The following CDC42BPA variants were observed in gnomAD, a reference collection of about 807,000 sequenced individuals.
The protein encoded by CDC42BPA is CDC42 binding protein kinase alpha.
CDC42BPA carries 80 observed loss-of-function variants against 223.5 expected under a neutral mutation model. The ratio of observed to expected loss-of-function variants is 0.36; its 90% CI spans 0.30 to 0.43. The LOEUF (loss-of-function observed/expected upper bound fraction) is 0.43, where lower values mean the gene tolerates loss of function less well. CDC42BPA is among the 20% of genes least tolerant of loss of function. The pLI, the probability that CDC42BPA is intolerant of heterozygous loss-of-function variation, is 1.00. For synonymous variants in CDC42BPA, 694 were observed against 718.6 expected (o/e 0.97, Z 0.55); for missense variants, 1,743 against 2,099.9 (o/e 0.83, Z 3.32).
At chr1:227,050,943 T>C (rs1476675274) in intron 22 of CDC42BPA, among the ~76,000 whole-genome samples, 2 of 152,200 alleles carry the variant, frequency 1.3e-5, no homozygotes, top group Non-Finnish European at 2.9e-5. Flanking sequence ...GATATTTACA[T>C]GGGTGTTTAT....
intron 5 of CDC42BPA, among the ~76,000 whole-genome samples, chr1:227,163,566 G>A (rs138148412): frequency 2.0e-5 from 3 of 151,956 alleles, no homozygotes; most frequent in East Asian, 3.9e-4. Context: ...TCTATAAAAT[G>A]CCTGTTAATA....
chr1:227,246,988 G>A (rs1681085825), intron 2 of CDC42BPA, among the ~76,000 whole-genome samples: 1 of 152,042 alleles, frequency 6.6e-6, no homozygotes, highest in African/African-American at 2.4e-5. Context: ...ATTACTTGAG[G>A]TCAGGAGCTC....
chr1:227,246,628 C>A (rs1294274605), intron 2 of CDC42BPA, among the ~76,000 whole-genome samples: 1 of 152,244 alleles, frequency 6.6e-6, no homozygotes, highest in Non-Finnish European at 1.5e-5. Flanking sequence ...ACCACCAAGA[C>A]AATACCTATA....
chr1:227,086,911 G>A (rs550900488), intron 16 of CDC42BPA, among the ~76,000 whole-genome samples: 1 of 152,194 alleles, frequency 6.6e-6, no homozygotes, highest in African/African-American at 2.4e-5. Context: ...GGGCTTAAGT[G>A]ATCCTCATGC....
intron 16 of CDC42BPA, 32 bp from the exon 17 acceptor site, chr1:227,081,049 T>C: frequency 6.2e-7 from 1 of 1,609,690 alleles, no homozygotes; most frequent in Non-Finnish European, 8.5e-7. Context: ...TGCATGACTT[T>C]TAGGACCAAG....
intron 4 of CDC42BPA, among the ~76,000 whole-genome samples, chr1:227,198,166 T>C (rs1671058483): frequency 6.6e-6 from 1 of 152,022 alleles, no homozygotes; most frequent in South Asian, 2.1e-4. Context: ...AAATGTTCCT[T>C]ATGGCTGGGC....
intron 5 of CDC42BPA, among the ~76,000 whole-genome samples, chr1:227,186,638 C>T (rs1169505570): frequency 1.3e-5 from 2 of 152,318 alleles, no homozygotes; most frequent in East Asian, 3.9e-4. Context: ...CCCTTACCAA[C>T]ACATACATGC....
intron 31 of CDC42BPA, among the ~76,000 whole-genome samples, chr1:227,024,397 A>G (rs913885406): frequency 6.6e-6 from 1 of 152,222 alleles, no homozygotes; most frequent in African/African-American, 2.4e-5. Context: ...TTGGAAAATA[A>G]TATGACACTA....
chr1:227,069,893 T>G (rs1357117673), intron 20 of CDC42BPA, 40 bp from the exon 21 acceptor site: 4 of 1,367,996 alleles, frequency 2.9e-6, no homozygotes, highest in Non-Finnish European at 4.2e-6. Flanking sequence ...CTACAACAAT[T>G]AAAATTGATT....
intron 2 of CDC42BPA, among the ~76,000 whole-genome samples, chr1:227,247,212 T>A (rs1347671568): frequency 6.7e-6 from 1 of 149,432 alleles, no homozygotes; most frequent in African/African-American, 2.5e-5. Flanking sequence ...AAAAAAGCTA[T>A]TTTGGCCAGG....
At chr1:227,149,570 TA>T (rs1304075887) in intron 6 of CDC42BPA, among the ~76,000 whole-genome samples, 3 of 152,002 alleles carry the variant, frequency 2.0e-5, no homozygotes, top group African/African-American at 7.2e-5. Flanking sequence ...ATTAAAGACC[TA>T]AAAAAATCAA....
intron 17 of CDC42BPA, among the ~76,000 whole-genome samples, chr1:227,075,491 T>C (rs966846115): frequency 6.6e-6 from 1 of 152,154 alleles, no homozygotes; most frequent in South Asian, 2.1e-4. Flanking sequence ...AAAGAAAATA[T>C]GGAGATGCAA....
rs529011673 is a variant in CDC42BPA at position 226,994,014 on chromosome 1, A to G, written c.*254T>C. 2.4e-6 allele frequency: 1 copy of G among 421,702 alleles called. No individual in the cohort carries two copies. Among genetic ancestry groups the G allele is most frequent in the African/African-American group, 2.0e-5 (1 of 48,888 alleles). 26.1% of individuals were successfully genotyped at this position (421,702 alleles called of 1,614,324 possible). On this transcript the variant is annotated 3_prime_UTR_variant, in exon 37 of 37. Coordinates refer to ENST00000366766, the MANE Select transcript of CDC42BPA (RefSeq NM_001394014.1). The surrounding 1 kb of genome is among the most constrained non-coding windows in gnomAD (Gnocchi z 4.0). ...GGGAGTAGGGGTAAAATGTTACTGA[A>G]AGCAACTCTAAGTGCATGGAATGAA...
intron 15 of CDC42BPA, among the ~76,000 whole-genome samples, chr1:227,096,527 T>G (rs1442577855): frequency 6.6e-6 from 1 of 152,192 alleles, no homozygotes; most frequent in African/African-American, 2.4e-5. Flanking sequence ...CTCCACCATC[T>G]CAAGAAAACA....
At chr1:227,020,936 G>C (rs2104860) in intron 32 of CDC42BPA, among the ~76,000 whole-genome samples, 59,225 of 151,968 alleles carry the variant, frequency 0.39, 12,025 homozygotes, top group Non-Finnish European at 0.45. Context: ...TATTAATTGG[G>C]CTATTTCACT....
At chr1:227,264,889 C>T (rs185736274) in intron 1 of CDC42BPA, 4 of 1,491,866 alleles carry the variant, frequency 2.7e-6, no homozygotes, top group East Asian at 4.5e-5. Flanking sequence ...TTTTCAATTC[C>T]TCTTCTGAAA....
chr1:227,166,300 C>A (rs11804807), intron 5 of CDC42BPA, among the ~76,000 whole-genome samples: 8,242 of 152,194 alleles, frequency 0.054, 252 homozygotes, highest in Non-Finnish European at 0.073. Context: ...TTTCTTCTCC[C>A]TAGTCATCTG....
At chr1:227,266,311 T>C (rs1301201231) in intron 1 of CDC42BPA, among the ~76,000 whole-genome samples, 1 of 152,172 alleles carries the variant, frequency 6.6e-6, no homozygotes, top group Non-Finnish European at 1.5e-5. Context: ...CTTTCTCGAA[T>C]GCTCTCTCTC....
chr1:227,305,004 C>T (rs1363255642), intron 1 of CDC42BPA, among the ~76,000 whole-genome samples: 2 of 152,120 alleles, frequency 1.3e-5, no homozygotes, highest in Admixed American at 6.6e-5. Flanking sequence ...CACATACATA[C>T]ATAATAAGTG....
Sources: allele counts gnomAD v4.1 joint callset (sites outside exome capture counted in the v4.1 genomes callset), GRCh38; gene constraint gnomAD v4.1.1; non-coding constraint Gnocchi (gnomAD v3.1); transcripts MANE v1.5; gene names NCBI Gene and HGNC (gene_info 2026-07-23, HGNC 2026-07-21).